Variants in C8orf34 observed in about 807,000 individuals in gnomAD.
C8orf34 encodes the protein uncharacterized protein C8orf34.
Under a neutral mutation model 68.3 loss-of-function variants are expected in C8orf34, and 65 were observed. That is an observed-to-expected ratio of 0.95 (90% CI 0.78 to 1.17). The LOEUF is 1.17. Ranked by LOEUF, C8orf34 falls within the 50% of genes most tolerant of loss-of-function variation. The probability of loss-of-function intolerance (pLI) is 0.00; values close to 1 mark genes in which losing one functional copy is unlikely to be tolerated. For missense variants in C8orf34, 664 were observed against 655.4 expected, an observed-to-expected ratio of 1.01 and a Z score of -0.14; for synonymous variants, 244 against 241.2, an observed-to-expected ratio of 1.01 and a Z score of -0.11.
At chr8:68,415,502 G>A (rs1809627912) in intron 1 of C8orf34, among the ~76,000 whole-genome samples, 1 of 152,102 alleles carries the variant, frequency 6.6e-6, no homozygotes, top group Non-Finnish European at 1.5e-5. Context: ...GAAAAAAAAA[G>A]TGTATGGAGA....
chr8:68,514,001 C>G (rs1814395948), intron 5 of C8orf34, among the ~76,000 whole-genome samples: 1 of 152,214 alleles, frequency 6.6e-6, no homozygotes, highest in African/African-American at 2.4e-5. Flanking sequence ...CACCATTTCT[C>G]AAGCCCCATG....
intron 9 of C8orf34, among the ~76,000 whole-genome samples, chr8:68,713,488 A>G (rs1821383884): frequency 1.3e-5 from 2 of 152,160 alleles, no homozygotes. Flanking sequence ...TGCTGATACC[A>G]CAGAAACGCA....
intron 7 of C8orf34, among the ~76,000 whole-genome samples, chr8:68,603,694 C>A (rs1817772641): frequency 1.3e-5 from 2 of 151,700 alleles, no homozygotes; most frequent in South Asian, 2.1e-4. Flanking sequence ...CAAGAAGAGA[C>A]AAAACTAATC....
rs202048330 is a variant in C8orf34 at position 68,485,415 on chromosome 8, A to G, written c.737-2608A>G. Among the ~76,000 whole-genome samples the G allele has an allele frequency of 1.9e-4, 29 of 152,238 alleles. 1 individual carries two copies. The East Asian group carries it at 5.4e-3, about 28-fold the overall frequency. ...GAGAGCATGATGCAGGAAGTTAAAA[A>G]AAAAATTAAGAGATCGGGCCAGGTG... On this transcript the variant is annotated intron_variant, in intron 4 of 13. Coordinates refer to ENST00000518698, the MANE Select transcript of C8orf34 (RefSeq NM_052958.4).
chr8:68,798,096 A>G lies in C8orf34; in HGVS notation c.1549+10560A>G, dbSNP rs116973032. Among the ~76,000 whole-genome samples, 897 of 152,186 alleles carry G rather than the reference A, an allele frequency of 5.9e-3. 9 individuals carry two copies. Among genetic ancestry groups the G allele is most frequent in the Middle Eastern group, 0.027 (8 of 294 alleles). ...TGTAGTAGGTTCTTTCAGAAGATCA[A>G]AAGAAATCTTGATAATTTTTCCTTT... On this transcript the variant is annotated intron_variant, in intron 12 of 13. Coordinates refer to ENST00000518698, the MANE Select transcript of C8orf34 (RefSeq NM_052958.4).
intron 8 of C8orf34, among the ~76,000 whole-genome samples, chr8:68,650,714 C>G (rs949090825): frequency 1.3e-5 from 2 of 151,968 alleles, no homozygotes; most frequent in Non-Finnish European, 2.9e-5. Context: ...CTCCTGACCT[C>G]GTGATCCGCC....
intron 6 of C8orf34, among the ~76,000 whole-genome samples, chr8:68,529,775 ATTATATTATGTT>A (rs1815167799): frequency 6.6e-6 from 1 of 152,172 alleles, no homozygotes; most frequent in Non-Finnish European, 1.5e-5. Flanking sequence ...TTTAGAAATA[ATTATATTATGTT>A]TTATAAACTG....
intron 6 of C8orf34, among the ~76,000 whole-genome samples, chr8:68,527,954 G>C (rs554021097): frequency 1.3e-5 from 2 of 152,288 alleles, no homozygotes; most frequent in South Asian, 4.1e-4. Context: ...ATCGTCTGCT[G>C]CTTCCAGATC....
intron 7 of C8orf34, among the ~76,000 whole-genome samples, chr8:68,616,561 C>A (rs1563564939): frequency 1.3e-5 from 2 of 152,180 alleles, no homozygotes. Context: ...GGTAGTCATT[C>A]AGGAGCAGGT....
At chr8:68,704,488 T>C (rs1821108391) in intron 8 of C8orf34, among the ~76,000 whole-genome samples, 1 of 152,074 alleles carries the variant, frequency 6.6e-6, no homozygotes, top group East Asian at 1.9e-4. Flanking sequence ...CAGGTAGGGA[T>C]TATGCAATAT....
At chr8:68,652,609 A>G (rs150806563) in intron 8 of C8orf34, among the ~76,000 whole-genome samples, 1 of 152,258 alleles carries the variant, frequency 6.6e-6, no homozygotes, top group Non-Finnish European at 1.5e-5. Context: ...ACAGGGATTC[A>G]TTTTCATTCT....
chr8:68,546,337 C>A (rs1352714463), intron 7 of C8orf34, among the ~76,000 whole-genome samples: 2 of 151,582 alleles, frequency 1.3e-5, no homozygotes, highest in Non-Finnish European at 3.0e-5. Context: ...ACTCTGAAGG[C>A]CAGAGAGGTT....
intron 8 of C8orf34, among the ~76,000 whole-genome samples, chr8:68,654,882 G>T (rs533465944): frequency 2.0e-4 from 30 of 152,144 alleles, no homozygotes; most frequent in African/African-American, 5.8e-4. Context: ...TTAGTGTCAA[G>T]AATATTTTGA....
intron 8 of C8orf34, among the ~76,000 whole-genome samples, chr8:68,642,336 TGTG>T (rs1819036353): frequency 6.6e-6 from 1 of 152,214 alleles, no homozygotes; most frequent in African/African-American, 2.4e-5. Context: ...TTCAGATAAA[TGTG>T]GTAAACAGTA....
At chr8:68,617,013 T>C (rs564980025) in intron 7 of C8orf34, among the ~76,000 whole-genome samples, 2 of 152,328 alleles carry the variant, frequency 1.3e-5, no homozygotes, top group African/African-American at 2.4e-5. Context: ...TAGCTCTTCT[T>C]GTTGAATTGA....
rs574869627 is a variant in C8orf34, at chr8:68,816,678, C to A, written c.1609+733C>A. 2.2e-4 allele frequency among the ~76,000 whole-genome samples: 33 copies of A among 152,218 alleles called. No individual in the cohort carries two copies. The East Asian group carries it at 6.0e-3, about 28-fold the overall frequency. ...ATTTAATTTTGCTCTGCTGTAATTGCTCTTGAGTCAATAATTCTGCATTAG... is the reference window on the plus strand; with the variant it reads ...ATTTAATTTTGCTCTGCTGTAATTGATCTTGAGTCAATAATTCTGCATTAG... On this transcript the variant is annotated intron_variant, in intron 13 of 13. Coordinates refer to ENST00000518698, the MANE Select transcript of C8orf34 (RefSeq NM_052958.4).
chr8:68,449,532 G>A (rs1184378861), intron 3 of C8orf34, among the ~76,000 whole-genome samples: 1 of 151,996 alleles, frequency 6.6e-6, no homozygotes, highest in Non-Finnish European at 1.5e-5. Context: ...TGTGGGTTCA[G>A]TTCCAGGCCA....
intron 7 of C8orf34, among the ~76,000 whole-genome samples, chr8:68,611,633 G>A (rs979973991): frequency 6.6e-5 from 10 of 152,082 alleles, no homozygotes; most frequent in Non-Finnish European, 1.2e-4. Flanking sequence ...TTTCCCTCAA[G>A]TTTTATAAGC....
chr8:68,432,956 G>A (rs189074473), intron 1 of C8orf34, among the ~76,000 whole-genome samples: 34 of 152,274 alleles, frequency 2.2e-4, no homozygotes, highest in Middle Eastern at 6.8e-3. Flanking sequence ...CTATGAGTGC[G>A]GGTGGAAACC....
Sources: gnomAD v4.1 joint callset for allele counts (sites outside exome capture counted in the v4.1 genomes callset) on GRCh38, gnomAD v4.1.1 for gene constraint, MANE v1.5 for transcripts, NCBI Gene and HGNC (gene_info 2026-07-23, HGNC 2026-07-21) for gene names.